Variants in ADGRV1 observed in about 807,000 individuals in gnomAD.
The protein encoded by ADGRV1 is adhesion G protein-coupled receptor V1.
In ADGRV1, 359 loss-of-function variants were observed where a neutral mutation model predicts 596.2. That is an observed-to-expected ratio of 0.60 (90% CI 0.55 to 0.66). The LOEUF is 0.66. ADGRV1 is among the 30% of genes least tolerant of loss of function. ADGRV1 has a pLI of 0.00. For synonymous variants in ADGRV1, 2,681 were observed against 2,679.2 expected (o/e 1.00, Z -0.02); for missense variants, 7,274 against 7,575.6 (o/e 0.96, Z 1.48).
chr5:91,037,958 A>G (rs1785041604), intron 85 of ADGRV1, among the ~76,000 whole-genome samples: 1 of 152,228 alleles, frequency 6.6e-6, no homozygotes, highest in Admixed American at 6.5e-5. Context: ...TTATTGTCCA[A>G]AAATTATTGT....
At chr5:90,930,742 A>G (rs1336094861) in intron 83 of ADGRV1, among the ~76,000 whole-genome samples, 5 of 152,182 alleles carry the variant, frequency 3.3e-5, no homozygotes, top group Non-Finnish European at 4.4e-5. Context: ...ACTACTGTAA[A>G]TAACTTACAT....
intron 85 of ADGRV1, among the ~76,000 whole-genome samples, chr5:90,991,387 GA>G (rs1780948289): frequency 6.6e-6 from 1 of 152,146 alleles, no homozygotes; most frequent in Middle Eastern, 3.2e-3. Context: ...TGATTGTAAT[GA>G]AAAAATTGCG....
rs556570745 is a variant in ADGRV1, at chr5:90,924,342, A to G, written c.17857-41073A>G. Among the ~76,000 whole-genome samples, 149 of 151,960 alleles carry G rather than the reference A, an allele frequency of 9.8e-4. 2 individuals carry two copies. The highest frequency in any genetic ancestry group is 3.4e-3 in the Middle Eastern group (1 of 294). The stretch of plus-strand genomic sequence containing the variant: ...GCCATTCTAACTGGTGTGAGATGGT[A>G]TCTCATTGTGGTTTTGATTTGCATT... On this transcript the variant is annotated intron_variant, in intron 83 of 89. Transcript: ENST00000405460.
At position 90,683,779 on chromosome 5, in the gene ADGRV1, G is replaced by C; in HGVS notation, c.5858G>C (p.Ser1953Thr). Reference protein sequence around the residue: ...LDKAFSVSVLSVSSGSLGAHI... With the variant: ...LDKAFSVSVLTVSSGSLGAHI... ...AAGGCATTCTCTGTGTCAGTCCTCA[G>C]TGTTTCCAGTGGTTCTTTGGGAGCT... Residue 1953 changes from serine to threonine, a missense_variant, in exon 28 of 90, where the codon AGT becomes ACT. By Grantham distance (58) the Ser-to-Thr change is moderately conservative (BLOSUM62 1). Around this residue, in one of 5 missense-constraint regions of ADGRV1, gnomAD observed 3,643 missense variants for 3,809.2 expected, o/e 0.96. Transcript: ENST00000405460. 1 of 1,613,830 alleles carries C rather than the reference G, an allele frequency of 6.2e-7. No individual in the cohort carries two copies. The highest frequency in any genetic ancestry group is 1.1e-5 in the South Asian group (1 of 91,076).
At chr5:91,059,304 GT>G (rs1180820098) in intron 85 of ADGRV1, among the ~76,000 whole-genome samples, 14 of 152,124 alleles carry the variant, frequency 9.2e-5, no homozygotes, top group Non-Finnish European at 1.5e-4. Flanking sequence ...AAGCTACATA[GT>G]TGCAAAGTCA....
intron 82 of ADGRV1, among the ~76,000 whole-genome samples, chr5:90,856,650 A>G (rs2150420451): frequency 6.6e-6 from 1 of 152,304 alleles, no homozygotes; most frequent in Non-Finnish European, 1.5e-5. Context: ...AGTGAATTAA[A>G]TTAAGAGCTG....
At chr5:91,044,079 A>C (rs1266408292) in intron 85 of ADGRV1, among the ~76,000 whole-genome samples, 1 of 152,098 alleles carries the variant, frequency 6.6e-6, no homozygotes, top group Non-Finnish European at 1.5e-5. Flanking sequence ...AAATTATTAT[A>C]GAAAGATATT....
chr5:90,891,269 T>G (rs2150582953), intron 83 of ADGRV1, among the ~76,000 whole-genome samples: 1 of 150,690 alleles, frequency 6.6e-6, no homozygotes, highest in Non-Finnish European at 1.5e-5. Context: ...TTTGTGTGTG[T>G]GTTGGAGTTA....
At chr5:91,104,865 T>C (rs961354294) in intron 87 of ADGRV1, among the ~76,000 whole-genome samples, 4 of 147,332 alleles carry the variant, frequency 2.7e-5, no homozygotes, top group African/African-American at 9.9e-5. Context: ...CTTTTCTTTT[T>C]TTTTTTTTTT....
chr5:91,085,301 A>G (rs566148125), intron 86 of ADGRV1, among the ~76,000 whole-genome samples: 11 of 152,310 alleles, frequency 7.2e-5, no homozygotes, highest in East Asian at 5.8e-4. Flanking sequence ...AACCCACTCT[A>G]TGCCACACAG....
At chr5:90,957,252 A>G (rs1777558030) in intron 83 of ADGRV1, among the ~76,000 whole-genome samples, 2 of 152,172 alleles carry the variant, frequency 1.3e-5, no homozygotes, top group South Asian at 4.1e-4. Flanking sequence ...TAAATTGCAT[A>G]TATTATTTAA....
At position 90,651,879 on chromosome 5, in the gene ADGRV1, T is replaced by C. The variant is rs1768675970; in HGVS notation, c.3416+149T>C. 1.5e-5 allele frequency: 8 copies of C among 530,414 alleles called. No individual in the cohort carries two copies. The South Asian group carries it at 2.7e-4, about 18-fold the overall frequency. The allele number at this position is 530,414 out of a possible 1,614,324, so 32.9% of individuals were successfully genotyped here. On this transcript the variant is annotated intron_variant, in intron 18 of 89. Coordinates refer to ENST00000405460, the MANE Select transcript of ADGRV1 (RefSeq NM_032119.4). Reference sequence around the variant, plus strand: ...CAGTCTGAATGAGTGGTAAACTTTGTTTATGCTGTTGCCACTTATCTTCAA... The same window carrying C: ...CAGTCTGAATGAGTGGTAAACTTTGCTTATGCTGTTGCCACTTATCTTCAA...
chr5:90,997,749 G>C (rs910979041), intron 85 of ADGRV1, among the ~76,000 whole-genome samples: 1 of 152,096 alleles, frequency 6.6e-6, no homozygotes, highest in Non-Finnish European at 1.5e-5. Flanking sequence ...ACCAACTCAG[G>C]CATGTTCTAG....
At chr5:90,976,216 G>GTATA (rs150711342) in intron 84 of ADGRV1, among the ~76,000 whole-genome samples, 10 of 139,474 alleles carry the variant, frequency 7.2e-5, no homozygotes, top group East Asian at 2.0e-4. Flanking sequence ...GTGTGAGTGT[G>GTATA]TATATATATA....
chr5:90,590,802 G>A (rs1759391149), intron 1 of ADGRV1, among the ~76,000 whole-genome samples: 1 of 152,054 alleles, frequency 6.6e-6, no homozygotes, highest in African/African-American at 2.4e-5. Context: ...AGACATATCT[G>A]TCATGTTATA....
chr5:90,920,525 A>T (rs987386503), intron 83 of ADGRV1, among the ~76,000 whole-genome samples: 4 of 152,304 alleles, frequency 2.6e-5, no homozygotes, highest in African/African-American at 9.6e-5. Flanking sequence ...TACCTTTAAC[A>T]GATTTAAGAG....
chr5:90,671,223 A>G (rs185182933), intron 21 of ADGRV1, among the ~76,000 whole-genome samples: 48 of 152,318 alleles, frequency 3.2e-4, no homozygotes, highest in African/African-American at 1.1e-3. Flanking sequence ...AGCAGGAGGT[A>G]AAAGTGAGAC....
At chr5:90,860,224 T>A (rs1767420529) in intron 82 of ADGRV1, among the ~76,000 whole-genome samples, 1 of 152,172 alleles carries the variant, frequency 6.6e-6, no homozygotes, top group African/African-American at 2.4e-5. Flanking sequence ...ACCTCACCAC[T>A]CTAGAATAAC....
intron 83 of ADGRV1, among the ~76,000 whole-genome samples, chr5:90,948,896 G>C (rs1456856728): frequency 2.6e-5 from 4 of 152,038 alleles, no homozygotes; most frequent in African/African-American, 9.7e-5. Flanking sequence ...TCAGAAAATT[G>C]TAAGTCAAAC....
Sources: gnomAD v4.1 joint callset for allele counts (sites outside exome capture counted in the v4.1 genomes callset) on GRCh38, gnomAD v4.1.1 for gene constraint, gnomAD v4.1.1 regional missense constraint, MANE v1.5 for transcripts, NCBI Gene and HGNC (gene_info 2026-07-23, HGNC 2026-07-21) for gene names.